The following RIPOR1 variants were observed in gnomAD, a reference collection of about 807,000 sequenced individuals.
RIPOR1 encodes rho family-interacting cell polarization regulator 1.
Under a neutral mutation model 116.5 loss-of-function variants are expected in RIPOR1, and 58 were observed. The observed-to-expected ratio is 0.50, with a 90% CI of 0.40 to 0.62. The LOEUF is 0.62. Ranked by LOEUF, RIPOR1 falls within the 20% of genes least tolerant of loss-of-function variation. The pLI is 0.00. For synonymous variants in RIPOR1, 605 were observed against 650.0 expected, an observed-to-expected ratio of 0.93 and a Z score of 1.05; for missense variants, 1,372 against 1,586.2, an observed-to-expected ratio of 0.86 and a Z score of 2.29.
chr16:67,543,126 G>A lies in RIPOR1; in HGVS notation c.2340G>A (p.Thr780=), dbSNP rs759503496. 1.5e-5 allele frequency: 23 copies of A among 1,523,522 alleles called. No homozygotes were observed. The highest frequency in any genetic ancestry group is 9.7e-5 in the African/African-American group (7 of 71,818). 94.4% of individuals were successfully genotyped at this position (1,523,522 alleles called of 1,614,324 possible). A position where few individuals can be genotyped will look rare whatever the true frequency, so the allele number is the denominator to read the frequency against. ...TGGCTGTCCAGACCCCAGTCCCAAC[G>A]GCAGCCGGAGGGTCTGGGGACAGGA... ...LAMAVQTPVP[T]AAGGSGDRSL... Residue 780 remains threonine (T), a synonymous_variant, in exon 13 of 22, where the codon ACG becomes ACA. Coordinates refer to ENST00000042381, the MANE Select transcript of RIPOR1 (RefSeq NM_024519.4). This position sits in a 1 kb window ranked among gnomAD's most constrained non-coding sequence, Gnocchi z 4.7.
At position 67,531,464 on chromosome 16, in the gene RIPOR1, G is replaced by C. The variant is rs1425562902; in HGVS notation, c.-24+2550G>C. Reference sequence around the variant, plus strand: ...CTGACAACTGGGTTATGTGGTCTCGGGGTTCAGAGGGAGGAAGTCAAAAAG... The same window carrying C: ...CTGACAACTGGGTTATGTGGTCTCGCGGTTCAGAGGGAGGAAGTCAAAAAG... On this transcript the variant is annotated intron_variant, in intron 1 of 21. Coordinates refer to ENST00000042381, the MANE Select transcript of RIPOR1 (RefSeq NM_024519.4). The surrounding 1 kb of genome is among the most constrained non-coding windows in gnomAD (Gnocchi z 4.2). 5.7e-6 allele frequency: 2 copies of C among 351,304 alleles called. No homozygotes were observed. Among genetic ancestry groups the C allele is most frequent in the Non-Finnish European group, 1.1e-5 (2 of 176,462 alleles). 21.8% of individuals were successfully genotyped at this position (351,304 alleles called of 1,614,324 possible).
chr16:67,535,990 G>A (rs1057419567), intron 1 of RIPOR1, among the ~76,000 whole-genome samples: 17 of 152,148 alleles, frequency 1.1e-4, no homozygotes, highest in African/African-American at 4.1e-4. Flanking sequence ...CAGACCCCTG[G>A]GCCCAACCCA....
chr16:67,542,908 C>A lies in RIPOR1; in HGVS notation c.2122C>A (p.Pro708Thr). The A allele has an allele frequency of 6.2e-7, 1 of 1,607,444 alleles. No individual in the cohort carries two copies. The highest frequency in any genetic ancestry group is 8.5e-7 in the Non-Finnish European group (1 of 1,175,932). Reference sequence around the variant, plus strand: ...AGGCACTGACTCCCTTCCCTGTAGTCCCCCAGTCTCCAATTCCTACACTCA... The same window carrying A: ...AGGCACTGACTCCCTTCCCTGTAGTACCCCAGTCTCCAATTCCTACACTCA... ...LPGTDSLPCS[P>T]PVSNSYTQAD... The change falls in exon 13 of 22, where the codon CCC (proline) becomes ACC (threonine). Residue 708 changes from proline to threonine, a missense_variant. By Grantham distance (38) the Pro-to-Thr change is conservative (BLOSUM62 -1). Coordinates refer to ENST00000042381, the MANE Select transcript of RIPOR1 (RefSeq NM_024519.4). This position sits in a 1 kb window ranked among gnomAD's most constrained non-coding sequence, Gnocchi z 4.6.
chr16:67,541,807 C>T lies in RIPOR1; in HGVS notation c.1080+25C>T. The T allele has an allele frequency of 6.2e-7, 1 of 1,614,030 alleles. No individual in the cohort carries two copies. Among genetic ancestry groups the T allele is most frequent in the Non-Finnish European group, 8.5e-7 (1 of 1,179,944 alleles). ...TGTGAGTCATAGCCCAGGTCCAGGC[C>T]TCACCATCCCCCAGAGGCTCCCTGG... On this transcript the variant is annotated intron_variant, in intron 12 of 21. Transcript: ENST00000042381. This position sits in a 1 kb window ranked among gnomAD's most constrained non-coding sequence, Gnocchi z 4.6.
Position 67,530,965 on chromosome 16 carries a change from C to T in RIPOR1, c.-24+2051C>T, listed in dbSNP as rs1008426320. On this transcript the variant is annotated intron_variant, in intron 1 of 21. Coordinates refer to ENST00000042381, the MANE Select transcript of RIPOR1 (RefSeq NM_024519.4). The surrounding 1 kb of genome is among the most constrained non-coding windows in gnomAD (Gnocchi z 4.5). ...AGGGCAATCTTGCCCGCCCATCTCCCGAAGCGGTCACTCAGATGGACATTA... is the reference window on the plus strand; with the variant it reads ...AGGGCAATCTTGCCCGCCCATCTCCTGAAGCGGTCACTCAGATGGACATTA... 4.6e-5 allele frequency among the ~76,000 whole-genome samples: 7 copies of T among 152,146 alleles called. No homozygotes were observed. Among genetic ancestry groups the T allele is most frequent in the African/African-American group, 1.4e-4 (6 of 41,428 alleles).
Position 67,545,575 on chromosome 16 carries a change from C to T in RIPOR1, c.3190+41C>T. On this transcript the variant is annotated intron_variant, in intron 18 of 21. Coordinates refer to ENST00000042381, the MANE Select transcript of RIPOR1 (RefSeq NM_024519.4). This position sits in a 1 kb window ranked among gnomAD's most constrained non-coding sequence, Gnocchi z 4.8. ...TGATCACATAGTGGCCTCTTGGGGT[C>T]TGAGGACATGAGGACAAGCCCTCCC... 6.2e-7 allele frequency: 1 copy of T among 1,608,456 alleles called. No individual in the cohort carries two copies.
chr16:67,525,224 CA>C (rs1351524424), upstream of RIPOR1, among the ~76,000 whole-genome samples: 2 of 152,212 alleles, frequency 1.3e-5, no homozygotes, highest in Non-Finnish European at 2.9e-5. Flanking sequence ...CACACACTCA[CA>C]TACACACACA....
rs765628387 is a variant in RIPOR1 at position 67,540,095 on chromosome 16, C to T, written c.457C>T (p.Arg153Trp). The T allele has an allele frequency of 1.1e-5, 18 of 1,614,060 alleles. No homozygotes were observed. Among genetic ancestry groups the T allele is most frequent in the Admixed American group, 3.3e-5 (2 of 60,006 alleles). ...YEAYCVQRRL[R>W]DGAYNMVRAY... ...GGCATACTGTGTCCAGCGGCGTCTC[C>T]GGGATGGTGCCTACAACATGGTCCG... is the stretch of plus-strand genomic sequence containing the variant. The change falls in exon 7 of 22, where the codon CGG becomes TGG. Residue 153 changes from arginine (R) to tryptophan (W), a missense_variant. Transcript: ENST00000042381. The surrounding 1 kb of genome is among the most constrained non-coding windows in gnomAD (Gnocchi z 4.7).
In RIPOR1 at chr16:67,529,663, A is replaced by G. The variant is rs2050601697; in HGVS notation, c.-24+749A>G. On this transcript the variant is annotated intron_variant, in intron 1 of 21. Transcript: ENST00000042381. This position sits in a 1 kb window ranked among gnomAD's most constrained non-coding sequence, Gnocchi z 4.1. ...GTGAGCCCTGAGTCCGGCCTCCCCT[A>G]CAGACCCTCCCCAGCCAGTTCTAAC... 1 of 1,215,632 alleles carries G rather than the reference A, an allele frequency of 8.2e-7. No homozygotes were observed. The highest frequency in any genetic ancestry group is 1.5e-5 in the South Asian group (1 of 68,946). The allele number at this position is 1,215,632 out of a possible 1,614,324, so 75.3% of individuals were successfully genotyped here.
rs762181215 is a variant in RIPOR1 at position 67,545,370 on chromosome 16, C to T, written c.3032-6C>T. Reference sequence around the variant, plus strand: ...ACTCTGAGGCCCATGCTACTGCCTCCTGCAGTGTGTGTGAAGTTCCTGGAG... The same window carrying T: ...ACTCTGAGGCCCATGCTACTGCCTCTTGCAGTGTGTGTGAAGTTCCTGGAG... On this transcript the variant is annotated splice_region_variant and splice_polypyrimidine_tract_variant and intron_variant, in intron 17 of 21. Transcript: ENST00000042381. The surrounding 1 kb of genome is among the most constrained non-coding windows in gnomAD (Gnocchi z 4.8). 6.2e-7 allele frequency: 1 copy of T among 1,613,450 alleles called. No individual in the cohort carries two copies. The highest frequency in any genetic ancestry group is 8.5e-7 in the Non-Finnish European group (1 of 1,179,784).
Position 67,544,766 on chromosome 16 carries a change from A to G in RIPOR1, c.2805A>G (p.Arg935=). The change falls in exon 16 of 22, where the codon CGA becomes CGG. Residue 935 remains arginine, a synonymous_variant. Coordinates refer to ENST00000042381, the MANE Select transcript of RIPOR1 (RefSeq NM_024519.4). This position sits in a 1 kb window ranked among gnomAD's most constrained non-coding sequence, Gnocchi z 5.1. ...WALERLLREA[R]VLEAVCEFSR... ...TGGAGCGGCTGCTGCGGGAAGCCCG[A>G]GTACTGGAGGCAGTATGCGAGTTCA... 1 of 1,610,304 alleles carries G rather than the reference A, an allele frequency of 6.2e-7. No individual in the cohort carries two copies. The highest frequency in any genetic ancestry group is 8.5e-7 in the Non-Finnish European group (1 of 1,177,488).
Position 67,537,116 on chromosome 16 carries a change from T to G in RIPOR1, c.-23-1308T>G, listed in dbSNP as rs1353129813. Among the ~76,000 whole-genome samples the G allele has an allele frequency of 6.6e-6, 1 of 152,120 alleles. No homozygotes were observed. Among genetic ancestry groups the G allele is most frequent in the Non-Finnish European group, 1.5e-5 (1 of 68,000 alleles). On this transcript the variant is annotated intron_variant, in intron 1 of 21. Transcript: ENST00000042381. This position sits in a 1 kb window ranked among gnomAD's most constrained non-coding sequence, Gnocchi z 4.6. ...TTTTAGTAGAGACGGGGTTTCACCT[T>G]GTTGGTCAGGCTGATCTCGAATTCC... is the stretch of plus-strand genomic sequence containing the variant.
Position 67,543,782 on chromosome 16 carries a change from T to G in RIPOR1, c.2600+313T>G. The G allele has an allele frequency of 2.2e-6, 1 of 461,722 alleles. No individual in the cohort carries two copies. 28.6% of individuals were successfully genotyped at this position (461,722 alleles called of 1,614,324 possible). ...TGCCTCCAGCCCCTCCTCTTCCCCT[T>G]GGCCTCACCTTGGACCTGCCCTTTA... On this transcript the variant is annotated intron_variant, in intron 14 of 21. Transcript: ENST00000042381. This position sits in a 1 kb window ranked among gnomAD's most constrained non-coding sequence, Gnocchi z 4.7.
chr16:67,544,555 C>A lies in RIPOR1; in HGVS notation c.2733+124C>A. Reference sequence around the variant, plus strand: ...CACCCCAGTGCCCCAGGGCCCTTGGCATCTGGCCCTTGCTGAATGGAGTAT... The same window carrying A: ...CACCCCAGTGCCCCAGGGCCCTTGGAATCTGGCCCTTGCTGAATGGAGTAT... On this transcript the variant is annotated intron_variant, in intron 15 of 21. Transcript: ENST00000042381. This position sits in a 1 kb window ranked among gnomAD's most constrained non-coding sequence, Gnocchi z 5.1. 1 of 1,528,908 alleles carries A rather than the reference C, an allele frequency of 6.5e-7. No individual in the cohort carries two copies. Among genetic ancestry groups the A allele is most frequent in the Non-Finnish European group, 8.9e-7 (1 of 1,127,074 alleles). 94.7% of individuals were successfully genotyped at this position (1,528,908 alleles called of 1,614,324 possible).
rs1402394662 is a variant in RIPOR1 at position 67,529,189 on chromosome 16, C to A, written c.-24+275C>A. 6.6e-6 allele frequency among the ~76,000 whole-genome samples: 1 copy of A among 152,190 alleles called. No individual in the cohort carries two copies. The highest frequency in any genetic ancestry group is 6.5e-5 in the Admixed American group (1 of 15,288). ...GGCAAGGCCCTGGCGGCCGGTGCCCCGGGGCGCTGGGATGGGCCAGGCCAG... is the reference window on the plus strand; with the variant it reads ...GGCAAGGCCCTGGCGGCCGGTGCCCAGGGGCGCTGGGATGGGCCAGGCCAG... On this transcript the variant is annotated intron_variant, in intron 1 of 21. Coordinates refer to ENST00000042381, the MANE Select transcript of RIPOR1 (RefSeq NM_024519.4). The surrounding 1 kb of genome is among the most constrained non-coding windows in gnomAD (Gnocchi z 4.1).
Position 67,538,667 on chromosome 16 carries a change from T to C in RIPOR1, c.105-5T>C. On this transcript the variant is annotated splice_region_variant and splice_polypyrimidine_tract_variant and intron_variant, in intron 2 of 21. Transcript: ENST00000042381. ...TCCTCTTTCTGAGGACAGCCTCTCC[T>C]TCAGGAGTTTCCCGGTCTTCAGCCC... The C allele has an allele frequency of 6.2e-7, 1 of 1,612,542 alleles. No individual in the cohort carries two copies. The highest frequency in any genetic ancestry group is 2.2e-5 in the East Asian group (1 of 44,820).
At position 67,538,575 on chromosome 16, in the gene RIPOR1, G is replaced by A. The variant is rs2050872228; in HGVS notation, c.104+25G>A. 3.7e-6 allele frequency: 6 copies of A among 1,609,794 alleles called. No individual in the cohort carries two copies. The East Asian group carries it at 1.3e-4, about 36-fold the overall frequency. On this transcript the variant is annotated intron_variant, in intron 2 of 21. Coordinates refer to ENST00000042381, the MANE Select transcript of RIPOR1 (RefSeq NM_024519.4). ...GGTACGCGGCCGCGCAGGGTTGGTG[G>A]GGTCAAAGGGCGTCAGATGGGGCTG...
Position 67,544,515 on chromosome 16 carries a change from C to T in RIPOR1, c.2733+84C>T, listed in dbSNP as rs1160660881. 1 of 1,546,866 alleles carries T rather than the reference C, an allele frequency of 6.5e-7. No individual in the cohort carries two copies. The highest frequency in any genetic ancestry group is 2.3e-5 in the East Asian group (1 of 44,162). On this transcript the variant is annotated intron_variant, in intron 15 of 21. Coordinates refer to ENST00000042381, the MANE Select transcript of RIPOR1 (RefSeq NM_024519.4). This position sits in a 1 kb window ranked among gnomAD's most constrained non-coding sequence, Gnocchi z 5.1. ...GCCCTTCCATCCTGGTCCTCTATAC[C>T]TCCTCTGAGTGCCACACCCCAGTGC...
Position 67,537,490 on chromosome 16 carries a change from G to C in RIPOR1, c.-23-934G>C. 1 of 1,262,664 alleles carries C rather than the reference G, an allele frequency of 7.9e-7. No individual in the cohort carries two copies. Among genetic ancestry groups the C allele is most frequent in the Non-Finnish European group, 1.0e-6 (1 of 1,002,662 alleles). 78.2% of individuals were successfully genotyped at this position (1,262,664 alleles called of 1,614,324 possible). ...GCCGAGCCAGAGCCGCTGGGAGCGAGCCCGGAGCCCAGCCGGGCGGCTCGA... is the reference window on the plus strand; with the variant it reads ...GCCGAGCCAGAGCCGCTGGGAGCGACCCCGGAGCCCAGCCGGGCGGCTCGA... On this transcript the variant is annotated intron_variant, in intron 1 of 21. Coordinates refer to ENST00000042381, the MANE Select transcript of RIPOR1 (RefSeq NM_024519.4). The surrounding 1 kb of genome is among the most constrained non-coding windows in gnomAD (Gnocchi z 4.6).
Sources: gnomAD v4.1 joint callset for allele counts (sites outside exome capture counted in the v4.1 genomes callset) on GRCh38, gnomAD v4.1.1 for gene constraint, Gnocchi (gnomAD v3.1) non-coding constraint, MANE v1.5 for transcripts, NCBI Gene and HGNC (gene_info 2026-07-23, HGNC 2026-07-21) for gene names.